Variants in ARMH3 observed in about 807,000 individuals in gnomAD.
The protein encoded by ARMH3 is armadillo-like helical domain-containing protein 3.
Under a neutral mutation model 99.1 loss-of-function variants are expected in ARMH3, and 60 were observed. That is an observed-to-expected ratio of 0.61 (90% CI 0.49 to 0.75). The LOEUF (loss-of-function observed/expected upper bound fraction) is 0.75. Among genes scored for constraint, ARMH3 ranks in the 30% least tolerant of loss-of-function variants. ARMH3 has a pLI of 0.00. For synonymous variants in ARMH3, 285 were observed against 292.8 expected (o/e 0.97, Z 0.27); for missense variants, 679 against 843.1 (o/e 0.81, Z 2.41).
rs2067080337 is a variant in ARMH3, at chr10:102,029,665, G to C, written c.387C>G (p.Gly129=). The change falls in exon 5 of 26, where the codon GGC becomes GGG. Residue 129 remains glycine, a synonymous_variant. Transcript: ENST00000370033. ...TCATGCACAGCTCCGCCTTGTCAAAGCCCATCAGCATGTTGATAATGTCAA... is the reference window on the plus strand; with the variant it reads ...TCATGCACAGCTCCGCCTTGTCAAACCCCATCAGCATGTTGATAATGTCAA... ...SGFDIINMLM[G]FDKAELCMKN... is the part of the protein sequence containing the mutation. The C allele has an allele frequency of 6.2e-7, 1 of 1,614,050 alleles. No individual in the cohort carries two copies. Among genetic ancestry groups the C allele is most frequent in the African/African-American group, 1.3e-5 (1 of 74,906 alleles).
At chr10:101,951,332 G>A (rs936262842) in intron 22 of ARMH3, among the ~76,000 whole-genome samples, 7 of 152,164 alleles carry the variant, frequency 4.6e-5, no homozygotes, top group African/African-American at 1.7e-4. Context: ...AACTTTAGGA[G>A]GCCAAGGCAG....
chr10:101,944,209 T>C (rs1468715612), intron 22 of ARMH3, among the ~76,000 whole-genome samples: 1 of 138,006 alleles, frequency 7.2e-6, no homozygotes, highest in Non-Finnish European at 1.5e-5. Flanking sequence ...ATCTCAGCAC[T>C]TTGGGAGGCT....
chr10:101,891,015 C>T (rs900806819), intron 23 of ARMH3, among the ~76,000 whole-genome samples: 1 of 151,872 alleles, frequency 6.6e-6, no homozygotes, highest in African/African-American at 2.4e-5. Flanking sequence ...GCTGGGACTA[C>T]AGGCATGTGC....
At chr10:101,954,514 T>C (rs1186023082) in intron 22 of ARMH3, among the ~76,000 whole-genome samples, 2 of 152,206 alleles carry the variant, frequency 1.3e-5, no homozygotes, top group East Asian at 1.9e-4. Flanking sequence ...CAGTGGTTGC[T>C]AGGGGTTGTG....
At chr10:102,053,214 T>TAAAAA (rs1191838493) in intron 1 of ARMH3, among the ~76,000 whole-genome samples, 39 of 49,016 alleles carry the variant, frequency 8.0e-4, no homozygotes, top group African/African-American at 1.4e-3. Context: ...CCTCAGAAGC[T>TAAAAA]AAAAAAAAAA....
At chr10:101,880,609 A>T (rs1340281607) in intron 24 of ARMH3, among the ~76,000 whole-genome samples, 2 of 152,128 alleles carry the variant, frequency 1.3e-5, no homozygotes, top group African/African-American at 2.4e-5. Context: ...ATTCACACCG[A>T]ACACTACCAA....
At chr10:102,049,564 A>G (rs932140411) in intron 1 of ARMH3, among the ~76,000 whole-genome samples, 2 of 151,356 alleles carry the variant, frequency 1.3e-5, no homozygotes, top group African/African-American at 4.9e-5. Flanking sequence ...AAGAAAGAAA[A>G]TAGAGTAGGG....
At chr10:101,852,207 G>A (rs145189282) in intron 24 of ARMH3, among the ~76,000 whole-genome samples, 3 of 152,332 alleles carry the variant, frequency 2.0e-5, no homozygotes, top group Non-Finnish European at 2.9e-5. Flanking sequence ...CAATTTCTGC[G>A]AAAGAGGTTA....
intron 13 of ARMH3, 116 bp downstream of exon 13, chr10:102,009,258 C>T (rs2066576873): frequency 2.2e-6 from 2 of 898,196 alleles, no homozygotes; most frequent in Non-Finnish European, 3.5e-6. Flanking sequence ...CTTGTTACTA[C>T]CACTTACCAA....
intron 8 of ARMH3, among the ~76,000 whole-genome samples, chr10:102,015,444 G>A (rs2066727170): frequency 6.6e-6 from 1 of 150,504 alleles, no homozygotes. Context: ...AGGCTGGAGT[G>A]CAATGGCATG....
chr10:101,931,011 A>C (rs943493462), intron 23 of ARMH3, among the ~76,000 whole-genome samples: 3 of 152,240 alleles, frequency 2.0e-5, no homozygotes, highest in Admixed American at 6.5e-5. Context: ...GTAATGGTAC[A>C]GCAAGGACTC....
intron 1 of ARMH3, among the ~76,000 whole-genome samples, chr10:102,049,852 C>G (rs189299052): frequency 4.1e-4 from 62 of 152,174 alleles, no homozygotes; most frequent in African/African-American, 1.4e-3. Context: ...CCACTGCACC[C>G]GGCCCCAACC....
intron 19 of ARMH3, among the ~76,000 whole-genome samples, chr10:101,986,943 G>A (rs889785060): frequency 6.6e-6 from 1 of 152,144 alleles, no homozygotes; most frequent in African/African-American, 2.4e-5. Flanking sequence ...TTAAGGAGCA[G>A]GTGGAAAAAG....
chr10:102,035,319 T>C (rs2067227379), intron 2 of ARMH3, among the ~76,000 whole-genome samples: 1 of 152,012 alleles, frequency 6.6e-6, no homozygotes, highest in South Asian at 2.1e-4. Context: ...GAGCCACGAT[T>C]GTGCCACTAC....
intron 23 of ARMH3, among the ~76,000 whole-genome samples, chr10:101,908,175 T>G (rs957727735): frequency 6.6e-6 from 1 of 152,232 alleles, no homozygotes; most frequent in African/African-American, 2.4e-5. Context: ...TTGGTAGGGC[T>G]ACATTTCACT....
At chr10:102,018,854 G>C (rs1026849893) in intron 8 of ARMH3, among the ~76,000 whole-genome samples, 1 of 152,092 alleles carries the variant, frequency 6.6e-6, no homozygotes, top group African/African-American at 2.4e-5. Flanking sequence ...CTGCTCAGAA[G>C]GCTGAGGCAG....
chr10:102,049,700 C>T (rs1331615562), intron 1 of ARMH3, among the ~76,000 whole-genome samples: 1 of 151,102 alleles, frequency 6.6e-6, no homozygotes, highest in African/African-American at 2.4e-5. Flanking sequence ...GGACTACAGG[C>T]ACATGCCACC....
At chr10:102,006,424 C>T (rs1036684859) in intron 14 of ARMH3, 116 bp downstream of exon 14, 222 of 1,175,958 alleles carry the variant, frequency 1.9e-4, no homozygotes, top group Middle Eastern at 1.6e-3. Flanking sequence ...GTACTACAGA[C>T]CAATTTAGTG....
At chr10:101,976,747 T>C (rs1224688685) in intron 19 of ARMH3, among the ~76,000 whole-genome samples, 1 of 152,140 alleles carries the variant, frequency 6.6e-6, no homozygotes, top group African/African-American at 2.4e-5. Context: ...ATTAAAAAAT[T>C]AGCTGGGCAT....
Sources: allele counts gnomAD v4.1 joint callset (sites outside exome capture counted in the v4.1 genomes callset), GRCh38; gene constraint gnomAD v4.1.1; transcripts MANE v1.5; gene names NCBI Gene and HGNC (gene_info 2026-07-23, HGNC 2026-07-21).